Variants in CACNA2D3 observed in about 807,000 individuals in gnomAD.
CACNA2D3 encodes voltage-dependent calcium channel subunit alpha-2/delta-3.
CACNA2D3 carries 60 observed loss-of-function variants against 160.6 expected under a neutral mutation model. That is an observed-to-expected ratio of 0.37 (90% CI 0.30 to 0.46). The LOEUF (loss-of-function observed/expected upper bound fraction) is 0.46. Ranked by LOEUF, CACNA2D3 falls within the 20% of genes least tolerant of loss-of-function variation. The pLI is 1.00. For synonymous variants in CACNA2D3, 558 were observed against 492.9 expected (o/e 1.13, Z -1.75); for missense variants, 1,205 against 1,365.0 (o/e 0.88, Z 1.85).
chr3:54,802,592 G>A (rs1314349948), intron 13 of CACNA2D3, among the ~76,000 whole-genome samples: 1 of 152,186 alleles, frequency 6.6e-6, no homozygotes, highest in Admixed American at 6.5e-5. Context: ...ATACCCAGCT[G>A]CAAGTTTCTA....
At chr3:54,821,641 G>GTTCGTTCT (rs1553873526) in intron 14 of CACNA2D3, among the ~76,000 whole-genome samples, 109 of 107,918 alleles carry the variant, frequency 1.0e-3, no homozygotes, top group African/African-American at 3.3e-3. Flanking sequence ...AGAGTCTTTC[G>GTTCGTTCT]TTCTTTCTTT....
chr3:54,291,016 C>G (rs989410842), intron 2 of CACNA2D3, among the ~76,000 whole-genome samples: 2 of 152,040 alleles, frequency 1.3e-5, no homozygotes, highest in African/African-American at 2.4e-5. Context: ...ATGTAACAAC[C>G]CTGCACGTTG....
chr3:54,407,001 C>T (rs945751593), intron 4 of CACNA2D3, among the ~76,000 whole-genome samples: 4 of 152,126 alleles, frequency 2.6e-5, no homozygotes, highest in African/African-American at 9.7e-5. Flanking sequence ...CCTACTTCTA[C>T]AGAATTTTTC....
At chr3:54,165,494 G>C (rs1369821773) in intron 2 of CACNA2D3, among the ~76,000 whole-genome samples, 1 of 151,262 alleles carries the variant, frequency 6.6e-6, no homozygotes, top group Non-Finnish European at 1.5e-5. Context: ...GAAGCTTCTT[G>C]ACCTCCATAT....
At chr3:54,969,480 G>A (rs1037178126) in intron 28 of CACNA2D3, among the ~76,000 whole-genome samples, 2 of 152,142 alleles carry the variant, frequency 1.3e-5, no homozygotes, top group Non-Finnish European at 2.9e-5. Context: ...GGCTGGTCTC[G>A]AACTCCTGAC....
chr3:54,285,174 T>C (rs748131630), intron 2 of CACNA2D3, among the ~76,000 whole-genome samples: 4 of 152,172 alleles, frequency 2.6e-5, no homozygotes, highest in African/African-American at 4.8e-5. Context: ...GAGTTCCCTT[T>C]CCTAGTCAAA....
At chr3:54,646,643 A>G (rs1379439538) in intron 11 of CACNA2D3, among the ~76,000 whole-genome samples, 1 of 152,180 alleles carries the variant, frequency 6.6e-6, no homozygotes, top group Non-Finnish European at 1.5e-5. Flanking sequence ...CATTTTCTGT[A>G]TCCAGTCTAT....
intron 35 of CACNA2D3, among the ~76,000 whole-genome samples, chr3:55,041,069 A>G (rs371715935): frequency 1.3e-4 from 20 of 152,318 alleles, no homozygotes; most frequent in East Asian, 9.6e-4. Flanking sequence ...ATTATATTAT[A>G]TGCCACTGAT....
chr3:54,838,488 G>C (rs963362429), intron 15 of CACNA2D3, 80 bp from the exon 16 acceptor site: 4 of 1,099,428 alleles, frequency 3.6e-6, no homozygotes, highest in Non-Finnish European at 5.6e-6. Context: ...CAGGCAGACG[G>C]TATGTGACTT....
chr3:54,295,664 T>C (rs1703326788), intron 2 of CACNA2D3, among the ~76,000 whole-genome samples: 1 of 152,228 alleles, frequency 6.6e-6, no homozygotes, highest in Non-Finnish European at 1.5e-5. Flanking sequence ...ATGCCTTAGT[T>C]AGTCTAGCTT....
At chr3:54,373,979 G>C (rs1194594817) in intron 3 of CACNA2D3, among the ~76,000 whole-genome samples, 1 of 152,162 alleles carries the variant, frequency 6.6e-6, no homozygotes, top group Non-Finnish European at 1.5e-5. Context: ...CCTGTGCTCT[G>C]AAGTGGTTCT....
chr3:55,062,554 G>A (rs1389697344), intron 35 of CACNA2D3, among the ~76,000 whole-genome samples: 3 of 152,118 alleles, frequency 2.0e-5, no homozygotes, highest in African/African-American at 7.2e-5. Flanking sequence ...CTGTCTGCCT[G>A]GTTACCTAGA....
intron 14 of CACNA2D3, among the ~76,000 whole-genome samples, chr3:54,829,883 A>T (rs571348730): frequency 0.011 from 965 of 86,734 alleles, 24 homozygotes; most frequent in African/African-American, 0.042. Context: ...CTTCTTCTTC[A>T]TCTTTTTTTT....
chr3:54,212,647 C>T (rs12492530), intron 2 of CACNA2D3, among the ~76,000 whole-genome samples: 6,987 of 152,276 alleles, frequency 0.046, 225 homozygotes, highest in East Asian at 0.16. Context: ...GTCCGACCCC[C>T]ACTTCCTATC....
intron 14 of CACNA2D3, among the ~76,000 whole-genome samples, chr3:54,829,700 T>G (rs931112098): frequency 3.3e-5 from 5 of 152,094 alleles, no homozygotes; most frequent in South Asian, 2.1e-4. Context: ...ACCCAGAGAA[T>G]GGCCCTTAAG....
At chr3:54,390,566 C>T (rs1393761374) in intron 4 of CACNA2D3, among the ~76,000 whole-genome samples, 1 of 152,234 alleles carries the variant, frequency 6.6e-6, no homozygotes, top group Non-Finnish European at 1.5e-5. Flanking sequence ...GCCATTCACA[C>T]TGGTGCTCCG....
chr3:54,528,303 C>G (rs1169406714), intron 5 of CACNA2D3, among the ~76,000 whole-genome samples: 2 of 151,806 alleles, frequency 1.3e-5, no homozygotes, highest in South Asian at 4.2e-4. Flanking sequence ...AGTTTCTACC[C>G]CAGAAGGTTG....
chr3:54,132,840 A>G (rs1699739819), intron 2 of CACNA2D3, among the ~76,000 whole-genome samples: 1 of 152,120 alleles, frequency 6.6e-6, no homozygotes, highest in African/African-American at 2.4e-5. Context: ...GACCCTGACA[A>G]GTCAGTTGCT....
chr3:54,299,353 C>T (rs1208798849), intron 2 of CACNA2D3, among the ~76,000 whole-genome samples: 2 of 152,168 alleles, frequency 1.3e-5, no homozygotes, highest in Non-Finnish European at 2.9e-5. Flanking sequence ...AGTCCCGCTC[C>T]GCTAGCCTAG....
Sources: allele counts gnomAD v4.1 joint callset (sites outside exome capture counted in the v4.1 genomes callset), GRCh38; gene constraint gnomAD v4.1.1; transcripts MANE v1.5; gene names NCBI Gene and HGNC (gene_info 2026-07-23, HGNC 2026-07-21).